KAZN: variants seen among roughly 807,000 people sequenced by gnomAD.
The protein encoded by KAZN is kazrin, periplakin interacting protein, also known as kazrin.
Under a neutral mutation model 87.4 loss-of-function variants are expected in KAZN, and 40 were observed. The observed-to-expected ratio is 0.46, with a 90% confidence interval of 0.36 to 0.60. KAZN has a LOEUF of 0.60. Ranked by LOEUF, KAZN falls within the 20% of genes least tolerant of loss-of-function variation. KAZN has a pLI of 0.00. For synonymous variants in KAZN, 466 were observed against 458.3 expected, an observed-to-expected ratio of 1.02 and a Z score of -0.22; for missense variants, 898 against 1,073.9, an observed-to-expected ratio of 0.84 and a Z score of 2.29.
intron 1 of KAZN, among the ~76,000 whole-genome samples, chr1:13,985,901 A>G (rs1222649957): frequency 6.6e-6 from 1 of 152,208 alleles, no homozygotes; most frequent in East Asian, 1.9e-4. Context: ...TATACAGTAT[A>G]CCATATGTTG....
At chr1:14,380,642 A>C (rs1661286676) in intron 2 of KAZN, among the ~76,000 whole-genome samples, 1 of 152,216 alleles carries the variant, frequency 6.6e-6, no homozygotes, top group Admixed American at 6.5e-5. Context: ...AATGAGGCTG[A>C]AGACAGACCA....
chr1:14,947,466 C>T (rs1661960774), intron 1 of KAZN, among the ~76,000 whole-genome samples: 1 of 152,180 alleles, frequency 6.6e-6, no homozygotes. Context: ...TTTTTTTCAT[C>T]TGAAGCTCAA....
At chr1:14,466,862 G>A (rs1245641960) in intron 2 of KAZN, among the ~76,000 whole-genome samples, 4 of 152,146 alleles carry the variant, frequency 2.6e-5, no homozygotes. Flanking sequence ...CCAGCTACTT[G>A]GGAGGCTGAG....
chr1:14,716,551 G>T (rs1002110078), intron 1 of KAZN, among the ~76,000 whole-genome samples: 17 of 152,010 alleles, frequency 1.1e-4, no homozygotes, highest in African/African-American at 4.1e-4. Context: ...CGGCAGCCTT[G>T]TGCTCTAATC....
At chr1:14,830,093 C>T (rs563787040) in intron 1 of KAZN, among the ~76,000 whole-genome samples, 20 of 152,302 alleles carry the variant, frequency 1.3e-4, no homozygotes, top group African/African-American at 4.3e-4. Flanking sequence ...GTTATAGCTA[C>T]ATATTATTAA....
At chr1:14,591,875 G>C (rs997320925) in intron 2 of KAZN, among the ~76,000 whole-genome samples, 7 of 152,290 alleles carry the variant, frequency 4.6e-5, no homozygotes, top group East Asian at 3.9e-4. Context: ...GCTGCTGGCT[G>C]TCTCTTTAAG....
chr1:14,921,695 G>T (rs1327705243), intron 1 of KAZN, among the ~76,000 whole-genome samples: 1 of 152,068 alleles, frequency 6.6e-6, no homozygotes, highest in Non-Finnish European at 1.5e-5. Flanking sequence ...GTTTATAGGG[G>T]TTTTTTTGTT....
intron 1 of KAZN, among the ~76,000 whole-genome samples, chr1:14,784,636 C>G (rs1645450096): frequency 6.6e-6 from 1 of 152,080 alleles, no homozygotes; most frequent in Non-Finnish European, 1.5e-5. Flanking sequence ...GCACATGCCT[C>G]TAGTCTCTGG....
chr1:13,918,717 C>T (rs571195527), intron 1 of KAZN, among the ~76,000 whole-genome samples: 33 of 152,362 alleles, frequency 2.2e-4, no homozygotes, highest in Non-Finnish European at 1.5e-4. Flanking sequence ...ACAGCCATTC[C>T]AACCTTCAGC....
chr1:15,104,205 G>T lies in KAZN; in HGVS notation c.2048+16G>T. On this transcript the variant is annotated intron_variant, in intron 13 of 14. Transcript: ENST00000376030. ...ACCCAGCCAAGTGAGCACGGGCTGGGATCCAGTCATGTGGGCTGCTGGGTA... is the reference window on the plus strand; with the variant it reads ...ACCCAGCCAAGTGAGCACGGGCTGGTATCCAGTCATGTGGGCTGCTGGGTA... The T allele has an allele frequency of 6.4e-7, 1 of 1,559,976 alleles. No individual in the cohort carries two copies. The highest frequency in any genetic ancestry group is 2.4e-5 in the East Asian group (1 of 41,576).
At chr1:14,743,398 C>G (rs1297486852) in intron 1 of KAZN, among the ~76,000 whole-genome samples, 1 of 150,770 alleles carries the variant, frequency 6.6e-6, no homozygotes, top group Non-Finnish European at 1.5e-5. Context: ...CCACTGCACT[C>G]TAGCCTGGGG....
intron 1 of KAZN, among the ~76,000 whole-genome samples, chr1:14,133,420 A>AGAAG (rs1645040741): frequency 1.5e-5 from 2 of 129,172 alleles, no homozygotes; most frequent in Non-Finnish European, 3.2e-5. Context: ...AAAGAAAGAA[A>AGAAG]GAAAGAAAGA....
intron 1 of KAZN, among the ~76,000 whole-genome samples, chr1:14,111,789 C>G (rs201230477): frequency 0.26 from 35,053 of 136,258 alleles, 4,963 homozygotes; most frequent in East Asian, 0.52. Flanking sequence ...GCCCAGGCTG[C>G]AGTGCAGTGG....
intron 1 of KAZN, among the ~76,000 whole-genome samples, chr1:14,024,778 C>T (rs1640996049): frequency 6.6e-6 from 1 of 151,790 alleles, no homozygotes; most frequent in Non-Finnish European, 1.5e-5. Context: ...TTGAGGATCT[C>T]AACCTTGGCT....
chr1:14,980,104 G>A (rs549864091), intron 2 of KAZN, among the ~76,000 whole-genome samples: 76 of 152,194 alleles, frequency 5.0e-4, no homozygotes, highest in African/African-American at 1.7e-3. Flanking sequence ...GGTCTGGCTG[G>A]TCTCAAACTC....
chr1:14,260,753 T>C lies in KAZN; in HGVS notation c.249+80161T>C, dbSNP rs1650947850. Among the ~76,000 whole-genome samples the C allele has an allele frequency of 2.0e-5, 3 of 152,194 alleles. No individual in the cohort carries two copies. In the South Asian group the frequency reaches 6.2e-4, roughly 32 times the overall value. ...TGCCAGGCACTGTTTCTGCACTATG[T>C]ATATAGTCGCTAATTTAACCCTCAC... On this transcript the variant is annotated intron_variant, in intron 2 of 16. Coordinates refer to the KAZN transcript ENST00000636203.
intron 8 of KAZN, among the ~76,000 whole-genome samples, chr1:15,082,149 G>C (rs770611727): frequency 6.6e-6 from 1 of 151,230 alleles, no homozygotes; most frequent in South Asian, 2.1e-4. Flanking sequence ...AGTGGCAGCC[G>C]AGGTCCAAGT....
intron 1 of KAZN, among the ~76,000 whole-genome samples, chr1:14,916,170 C>CTTTTT (rs71307000): frequency 0.014 from 1,608 of 113,550 alleles, 141 homozygotes; most frequent in African/African-American, 0.051. Context: ...CACTGTTGTT[C>CTTTTT]TTTTTTTTTT....
chr1:14,507,780 G>T (rs2148439504), intron 2 of KAZN, among the ~76,000 whole-genome samples: 1 of 152,080 alleles, frequency 6.6e-6, no homozygotes, highest in East Asian at 1.9e-4. Context: ...AGCTCTGCAG[G>T]TCTAATAAAA....
Sources: allele counts gnomAD v4.1 joint callset (sites outside exome capture counted in the v4.1 genomes callset), GRCh38; gene constraint gnomAD v4.1.1; transcripts MANE v1.5; gene names NCBI Gene and HGNC (gene_info 2026-07-23, HGNC 2026-07-21).